Variants in PPP4R4 observed in about 807,000 individuals in gnomAD.
The protein encoded by PPP4R4 is protein phosphatase 4 regulatory subunit 4, also known as serine/threonine-protein phosphatase 4 regulatory subunit 4.
PPP4R4 carries 70 observed loss-of-function variants against 121.8 expected under a neutral mutation model. The ratio of observed to expected loss-of-function variants is 0.57; its 90% CI spans 0.47 to 0.70. PPP4R4 has a LOEUF of 0.70. PPP4R4 is among the 30% of genes least tolerant of loss of function. The pLI, the probability that PPP4R4 is intolerant of heterozygous loss-of-function variation, is 0.00. For missense variants in PPP4R4, 875 were observed against 1,033.6 expected (o/e 0.85, Z 2.10); for synonymous variants, 348 against 355.7 (o/e 0.98, Z 0.24).
intron 3 of PPP4R4, among the ~76,000 whole-genome samples, chr14:94,218,835 A>G (rs1366243719): frequency 6.6e-6 from 1 of 152,172 alleles, no homozygotes; most frequent in Non-Finnish European, 1.5e-5. Flanking sequence ...GACAAAGGTG[A>G]CAATTGAACA....
At chr14:94,219,065 T>TTTTTC (rs753832010) in intron 3 of PPP4R4, among the ~76,000 whole-genome samples, 2 of 146,502 alleles carry the variant, frequency 1.4e-5, no homozygotes, top group Admixed American at 6.9e-5. Flanking sequence ...ATCTTTTTTT[T>TTTTTC]TTTTCTTTTC....
intron 3 of PPP4R4, among the ~76,000 whole-genome samples, chr14:94,226,855 AT>A (rs1291676379): frequency 6.6e-6 from 1 of 152,176 alleles, no homozygotes; most frequent in Non-Finnish European, 1.5e-5. Flanking sequence ...ATTCAATAAG[AT>A]TCTTTTCAGA....
intron 19 of PPP4R4, among the ~76,000 whole-genome samples, chr14:94,260,006 A>G (rs1192868036): frequency 6.6e-6 from 1 of 152,334 alleles, no homozygotes; most frequent in Non-Finnish European, 1.5e-5. Flanking sequence ...TTACAAATAT[A>G]GTTGCTTTGA....
At chr14:94,177,917 T>C (rs1468019959) in intron 2 of PPP4R4, among the ~76,000 whole-genome samples, 1 of 152,204 alleles carries the variant, frequency 6.6e-6, no homozygotes, top group Non-Finnish European at 1.5e-5. Context: ...TTCTTGTGGC[T>C]CACCTACCTT....
Position 94,278,768 on chromosome 14 carries a change from A to G in PPP4R4, c.*125A>G, listed in dbSNP as rs1171083572. On this transcript the variant is annotated 3_prime_UTR_variant, in exon 25 of 25. Transcript: ENST00000304338. ...TGGGTTTTTTTTTTTGTTGTTGTTA[A>G]TGAGCAGAAAGAGAGACATAATGAC... The G allele has an allele frequency of 1.0e-5, 9 of 891,620 alleles. No homozygotes were observed. The African/African-American group carries it at 1.0e-4, about 10-fold the overall frequency. 55.2% of individuals were successfully genotyped at this position (891,620 alleles called of 1,614,324 possible).
At chr14:94,259,512 C>A in intron 19 of PPP4R4, 143 bp downstream of exon 19, 1 of 1,205,818 alleles carries the variant, frequency 8.3e-7, no homozygotes, top group Non-Finnish European at 1.1e-6. Context: ...TTTTTGAAAT[C>A]TGTTCTTTTA....
chr14:94,202,667 C>T (rs574169701), intron 2 of PPP4R4, among the ~76,000 whole-genome samples: 9 of 152,198 alleles, frequency 5.9e-5, no homozygotes, highest in African/African-American at 1.9e-4. Context: ...AATTCTGTTA[C>T]ATTAACTGAT....
chr14:94,244,512 G>T, intron 11 of PPP4R4, 123 bp from the exon 12 acceptor site: 1 of 773,696 alleles, frequency 1.3e-6, no homozygotes. Context: ...TTTTATATTT[G>T]TGTTATAACA....
At chr14:94,250,923 T>C (rs768720667) in intron 15 of PPP4R4, among the ~76,000 whole-genome samples, 79 of 152,022 alleles carry the variant, frequency 5.2e-4, no homozygotes, top group Non-Finnish European at 9.9e-4. Flanking sequence ...CATAGGCAGG[T>C]AATGGGATTT....
At chr14:94,238,853 A>G (rs774827039) in intron 8 of PPP4R4, among the ~76,000 whole-genome samples, 1 of 152,224 alleles carries the variant, frequency 6.6e-6, no homozygotes, top group Non-Finnish European at 1.5e-5. Flanking sequence ...AGTCATTTAG[A>G]CAATATGACA....
At chr14:94,184,515 CCGCAA>C (rs1204136190) in intron 2 of PPP4R4, among the ~76,000 whole-genome samples, 1 of 152,102 alleles carries the variant, frequency 6.6e-6, no homozygotes, top group East Asian at 1.9e-4. Flanking sequence ...TGCCTCAACC[CCGCAA>C]GGTGCTGGGA....
At chr14:94,227,494 C>T in intron 3 of PPP4R4, 1 of 1,382,328 alleles carries the variant, frequency 7.2e-7, no homozygotes, top group Non-Finnish European at 9.4e-7. Context: ...AGTGGACAGT[C>T]CCAGATGTTG....
At chr14:94,207,642 G>A (rs1470683435) in intron 2 of PPP4R4, among the ~76,000 whole-genome samples, 1 of 151,612 alleles carries the variant, frequency 6.6e-6, no homozygotes, top group Non-Finnish European at 1.5e-5. Context: ...AGAACAGGTG[G>A]AATTTCCCTC....
intron 2 of PPP4R4, among the ~76,000 whole-genome samples, chr14:94,178,598 G>A (rs1014964390): frequency 1.3e-5 from 2 of 151,988 alleles, no homozygotes; most frequent in South Asian, 4.1e-4. Flanking sequence ...ACTGTTCATT[G>A]TCTTACCCTG....
At chr14:94,191,181 A>T (rs1889580179) in intron 2 of PPP4R4, among the ~76,000 whole-genome samples, 1 of 152,280 alleles carries the variant, frequency 6.6e-6, no homozygotes, top group African/African-American at 2.4e-5. Flanking sequence ...GGAGTCATAC[A>T]CATCTTGTTA....
chr14:94,246,145 T>A (rs1241196291), intron 13 of PPP4R4, among the ~76,000 whole-genome samples: 4 of 152,184 alleles, frequency 2.6e-5, no homozygotes, highest in Non-Finnish European at 5.9e-5. Flanking sequence ...TATTTCAAAA[T>A]TTGGTTCCCA....
At chr14:94,239,215 A>G (rs1193691658) in intron 8 of PPP4R4, among the ~76,000 whole-genome samples, 1 of 134,090 alleles carries the variant, frequency 7.5e-6, no homozygotes, top group East Asian at 2.1e-4. Context: ...TTTTATTATT[A>G]TAGTTTAAGT....
chr14:94,240,769 T>C lies in PPP4R4; in HGVS notation c.950T>C (p.Leu317Ser). Reference sequence around the variant, plus strand: ...ATTCTTATTTCTTTATCTTTCCATTTAGGAAAACTATGTCATGGACTATAT... The same window carrying C: ...ATTCTTATTTCTTTATCTTTCCATTCAGGAAAACTATGTCATGGACTATAT... ...ESILISLSFH[L>S]GKLCHGLYGI... is the part of the protein sequence containing the mutation. Residue 317 changes from leucine (L) to serine (S), a missense_variant, in exon 9 of 25, where the codon TTA (leucine) becomes TCA (serine). Coordinates refer to ENST00000304338, the MANE Select transcript of PPP4R4 (RefSeq NM_058237.2). 1 of 1,604,554 alleles carries C rather than the reference T, an allele frequency of 6.2e-7. No homozygotes were observed. Among genetic ancestry groups the C allele is most frequent in the Non-Finnish European group, 8.5e-7 (1 of 1,176,834 alleles).
intron 16 of PPP4R4, among the ~76,000 whole-genome samples, chr14:94,252,488 C>G (rs377594226): frequency 6.6e-6 from 1 of 152,014 alleles, no homozygotes; most frequent in African/African-American, 2.4e-5. Flanking sequence ...CAAAAGAGCA[C>G]ATCACTTCCT....
Sources: gnomAD v4.1 joint callset for allele counts (sites outside exome capture counted in the v4.1 genomes callset) on GRCh38, gnomAD v4.1.1 for gene constraint, MANE v1.5 for transcripts, NCBI Gene and HGNC (gene_info 2026-07-23, HGNC 2026-07-21) for gene names.